Variants in A2M observed in about 807,000 individuals in gnomAD.
A2M encodes the protein alpha-2-macroglobulin.
Under a neutral mutation model 183.9 loss-of-function variants are expected in A2M, and 128 were observed. The observed-to-expected ratio is 0.70, with a 90% confidence interval of 0.60 to 0.81. The LOEUF (loss-of-function observed/expected upper bound fraction) is 0.81. Among genes scored for constraint, A2M ranks in the 30% least tolerant of loss-of-function variants. The pLI, the probability that A2M is intolerant of heterozygous loss-of-function variation, is 0.00. For missense variants in A2M, 1,495 were observed against 1,787.6 expected (o/e 0.84, Z 2.95); for synonymous variants, 592 against 670.8 (o/e 0.88, Z 1.81).
intron 1 of A2M, among the ~76,000 whole-genome samples, chr12:9,114,850 C>A (rs1451185293): frequency 6.6e-6 from 1 of 151,844 alleles, no homozygotes. Flanking sequence ...GAGCTATGTT[C>A]AAAAATACTT....
intron 7 of A2M, 71 bp downstream of exon 7, chr12:9,109,250 G>A: frequency 7.7e-7 from 1 of 1,295,262 alleles, no homozygotes. Context: ...GGAGAGAGTA[G>A]TTAAAATATC....
intron 31 of A2M, 53 bp downstream of exon 31, chr12:9,072,306 A>C: frequency 6.3e-7 from 1 of 1,594,948 alleles, no homozygotes; most frequent in Admixed American, 1.8e-5. Flanking sequence ...GAGTTCCCGA[A>C]AGAAGACTGG....
intron 24 of A2M, 100 bp downstream of exon 24, chr12:9,079,539 G>A: frequency 3.4e-6 from 4 of 1,188,780 alleles, no homozygotes; most frequent in Middle Eastern, 2.2e-4. Flanking sequence ...ATCATAGTGA[G>A]CTAAGCTAAT....
chr12:9,095,742 C>CT (rs34176052), intron 15 of A2M, 42 bp from the exon 16 acceptor site: 39,030 of 290,804 alleles, frequency 0.13, 7,957 homozygotes, highest in African/African-American at 0.33. Flanking sequence ...TTATTTGTGA[C>CT]TTTTTTTTTT....
At chr12:9,085,472 T>C (rs907786366) in intron 22 of A2M, among the ~76,000 whole-genome samples, 5 of 151,860 alleles carry the variant, frequency 3.3e-5, no homozygotes, top group Non-Finnish European at 5.9e-5. Context: ...CAAATGAACA[T>C]GGAAATGGAG....
chr12:9,107,415 G>A, intron 8 of A2M, 109 bp downstream of exon 8: 1 of 1,313,914 alleles, frequency 7.6e-7, no homozygotes, highest in Non-Finnish European at 1.0e-6. Flanking sequence ...AGCCAACATG[G>A]AATTCTCTTC....
chr12:9,095,619 G>A lies in A2M; in HGVS notation c.1933C>T (p.Arg645Cys), dbSNP rs1949349784. Residue 645 changes from arginine (R) to cysteine (C), a missense_variant, in exon 16 of 36, where the codon CGT becomes TGT. Physicochemically the swap from Arg to Cys is radical, Grantham distance 180 (BLOSUM62 -3). Transcript: ENST00000318602. ...ATTCCATTAATATAGACATTATGACGATTGATGCAGTCTTCATTGTCCTGG... is the reference window on the plus strand; with the variant it reads ...ATTCCATTAATATAGACATTATGACAATTGATGCAGTCTTCATTGTCCTGG... ...NDQDNEDCIN[R>C]HNVYINGITY... 2.5e-6 allele frequency: 4 copies of A among 1,610,858 alleles called. No individual in the cohort carries two copies. The highest frequency in any genetic ancestry group is 3.4e-6 in the Non-Finnish European group (4 of 1,177,244).
intron 22 of A2M, among the ~76,000 whole-genome samples, chr12:9,086,817 A>T (rs1328044199): frequency 6.6e-6 from 1 of 152,214 alleles, no homozygotes; most frequent in Non-Finnish European, 1.5e-5. Context: ...GAAATGAAAA[A>T]TATCCAAATT....
intron 22 of A2M, among the ~76,000 whole-genome samples, chr12:9,083,230 G>A (rs965360362): frequency 2.0e-5 from 3 of 152,164 alleles, no homozygotes; most frequent in Non-Finnish European, 4.4e-5. Context: ...TCACACACCG[G>A]GGCCTGTTGT....
At chr12:9,107,301 G>C (rs1938367083) in intron 8 of A2M, among the ~76,000 whole-genome samples, 1 of 152,184 alleles carries the variant, frequency 6.6e-6, no homozygotes, top group Non-Finnish European at 1.5e-5. Context: ...GGAGGCTTTA[G>C]ATGGCTCAGT....
intron 10 of A2M, among the ~76,000 whole-genome samples, chr12:9,104,607 C>T (rs771695479): frequency 4.1e-4 from 62 of 152,060 alleles, no homozygotes; most frequent in African/African-American, 1.5e-3. Context: ...ATATACATAA[C>T]ATACACTAAT....
In A2M at chr12:9,090,412, C is replaced by A. The variant is rs757434841; in HGVS notation, c.2540G>T (p.Cys847Phe). ...AGTTTGCCGCCCGTTTGCACAGATG[C>A]AGTGAGGCGCTTGTTCCTTCTCCAC... is the stretch of plus-strand genomic sequence containing the variant. ...VPVEKEQAPH[C>F]ICANGRQTVS... The change falls in exon 20 of 36, where the codon TGC becomes TTC. Residue 847 changes from cysteine to phenylalanine, a missense_variant. Physicochemically the swap from Cys to Phe is radical, Grantham distance 205. Coordinates refer to ENST00000318602, the MANE Select transcript of A2M (RefSeq NM_000014.6). The A allele has an allele frequency of 1.9e-6, 3 of 1,613,986 alleles. No homozygotes were observed. Among genetic ancestry groups the A allele is most frequent in the Non-Finnish European group, 2.5e-6 (3 of 1,179,886 alleles).
At position 9,076,642 on chromosome 12, in the gene A2M, T is replaced by C; in HGVS notation, c.3532+114A>G. On this transcript the variant is annotated intron_variant, in intron 28 of 35. Coordinates refer to ENST00000318602, the MANE Select transcript of A2M (RefSeq NM_000014.6). ...CAATATGGACAAAATATATATGATA[T>C]ATAGAAAAGAAGAGAGGAGACAGGG... 7 of 897,186 alleles carry C rather than the reference T, an allele frequency of 7.8e-6. No homozygotes were observed. The South Asian group carries it at 8.7e-5, about 11-fold the overall frequency. 55.6% of individuals were successfully genotyped at this position (897,186 alleles called of 1,614,324 possible).
intron 27 of A2M, 129 bp downstream of exon 27, chr12:9,077,217 G>A: frequency 1.1e-6 from 1 of 929,100 alleles, no homozygotes; most frequent in Non-Finnish European, 1.6e-6. Flanking sequence ...TGTAGATCTG[G>A]GAAGCACTGG....
Position 9,076,769 on chromosome 12 carries a change from T to C in A2M, c.3519A>G (p.Glu1173=), listed in dbSNP as rs780939510. The C allele has an allele frequency of 6.2e-7, 1 of 1,613,942 alleles. No homozygotes were observed. Among genetic ancestry groups the C allele is most frequent in the South Asian group, 1.1e-5 (1 of 91,082 alleles). ...GTGTGCTCTCACCTTTCTTCACAGC[T>C]TCCTCATTAAGTGACTTGAGTACTT... ...RKEVLKSLNE[E]AVKKDNSVHW... Residue 1173 remains glutamate, a synonymous_variant, in exon 28 of 36, where the codon GAA becomes GAG. Transcript: ENST00000318602.
chr12:9,109,189 A>G, intron 7 of A2M, 132 bp downstream of exon 7: 1 of 637,910 alleles, frequency 1.6e-6, no homozygotes. Context: ...AACATTCTAC[A>G]GATGAGGATG....
At chr12:9,089,391 A>C in intron 21 of A2M, 140 bp from the exon 22 acceptor site, 2 of 675,882 alleles carry the variant, frequency 3.0e-6, no homozygotes, top group Non-Finnish European at 2.6e-6. Context: ...ACATATAAGC[A>C]ATATACGTAG....
rs149872679 is a variant in A2M at position 9,077,417 on chromosome 12, C to T, written c.3280G>A (p.Gly1094Arg). Residue 1094 changes from glycine to arginine, a missense_variant, in exon 27 of 36, where the codon GGA becomes AGA. Transcript: ENST00000318602. ...GSLLNNAIKG[G>R]VEDEVTLSAY... ...GAGAGGGTCACTTCATCTTCTACTC[C>T]TCCCTGTGAATACGAGAGAGAGATC... 9.4e-5 allele frequency: 151 copies of T among 1,612,558 alleles called. No individual in the cohort carries two copies. In the African/African-American group the frequency reaches 1.9e-3, roughly 20 times the overall value.
intron 31 of A2M, 147 bp downstream of exon 31, chr12:9,072,212 A>G: frequency 2.1e-6 from 2 of 934,946 alleles, no homozygotes; most frequent in Non-Finnish European, 3.2e-6. Context: ...CCCATCATTG[A>G]GAAATTATAT....
Sources: gnomAD v4.1 joint callset for allele counts (sites outside exome capture counted in the v4.1 genomes callset) on GRCh38, gnomAD v4.1.1 for gene constraint, MANE v1.5 for transcripts, NCBI Gene and HGNC (gene_info 2026-07-23, HGNC 2026-07-21) for gene names.